Variants in AVIL observed in about 807,000 individuals in gnomAD.
AVIL encodes the protein advillin.
AVIL carries 78 observed loss-of-function variants against 109.9 expected under a neutral mutation model. That is an observed-to-expected ratio of 0.71 (90% confidence interval 0.59 to 0.86). The LOEUF (loss-of-function observed/expected upper bound fraction) is 0.86, where lower values mean the gene tolerates loss of function less well. AVIL is among the 40% of genes least tolerant of loss of function. The pLI, the probability that AVIL is intolerant of heterozygous loss-of-function variation, is 0.00. For synonymous variants in AVIL, 367 were observed against 379.1 expected (o/e 0.97, Z 0.37); for missense variants, 892 against 1,016.5 (o/e 0.88, Z 1.67).
rs1386772576 is a variant in AVIL at position 57,808,242 on chromosome 12, C to T, written c.1146G>A (p.Glu382=). ...FDVTLLHTKP[E]VAAQERMVDD... is the part of the protein sequence containing the mutation. ...CGACCATTCTTTCCTGGGCAGCTACCTCTGGCTTGGTGTGTAGCAGAGTCA... is the reference window on the plus strand; with the variant it reads ...CGACCATTCTTTCCTGGGCAGCTACTTCTGGCTTGGTGTGTAGCAGAGTCA... The change falls in exon 11 of 20, where the codon GAG becomes GAA. Residue 382 remains glutamate (E), a synonymous_variant. Transcript: ENST00000549994. 4 of 1,614,196 alleles carry T rather than the reference C, an allele frequency of 2.5e-6. No individual in the cohort carries two copies. Among genetic ancestry groups the T allele is most frequent in the Non-Finnish European group, 3.4e-6 (4 of 1,180,052 alleles).
chr12:57,801,688 C>T (rs183531742), intron 17 of AVIL, among the ~76,000 whole-genome samples: 187 of 151,844 alleles, frequency 1.2e-3, no homozygotes, highest in Non-Finnish European at 1.9e-3. Flanking sequence ...TGCAGTGAGC[C>T]GAGATTGTGC....
At position 57,813,572 on chromosome 12, in the gene AVIL, C is replaced by T. The variant is rs937327295; in HGVS notation, c.142-149G>A. On this transcript the variant is annotated intron_variant, in intron 3 of 19. Coordinates refer to ENST00000549994, the MANE Select transcript of AVIL (RefSeq NM_006576.4). ...CAGTGGATGTGGGAGCTGCCCTGGC[C>T]CCCGAGCAGACCTGCGATCATGGCA... 7.9e-6 allele frequency: 6 copies of T among 760,832 alleles called. No homozygotes were observed. The South Asian group carries it at 1.2e-4, about 15-fold the overall frequency. The allele number at this position is 760,832 out of a possible 1,614,324, so 47.1% of individuals were successfully genotyped here. A position where few individuals can be genotyped will look rare whatever the true frequency, so the allele number is the denominator to read the frequency against.
chr12:57,813,215 A>G lies in AVIL; in HGVS notation c.338+12T>C, dbSNP rs750111335. The G allele has an allele frequency of 6.3e-7, 1 of 1,599,802 alleles. No individual in the cohort carries two copies. Among genetic ancestry groups the G allele is most frequent in the East Asian group, 2.3e-5 (1 of 44,430 alleles). On this transcript the variant is annotated intron_variant, in intron 4 of 19. Coordinates refer to ENST00000549994, the MANE Select transcript of AVIL (RefSeq NM_006576.4). ...TGCTGTTTCTGTCCTTGCTCTGTGCACCCCTACTCACATGATGCCCTGCTT... is the reference window on the plus strand; with the variant it reads ...TGCTGTTTCTGTCCTTGCTCTGTGCGCCCCTACTCACATGATGCCCTGCTT...
At chr12:57,808,682 T>C in intron 9 of AVIL, 134 bp from the exon 10 acceptor site, 1 of 1,100,736 alleles carries the variant, frequency 9.1e-7, no homozygotes, top group Non-Finnish European at 1.3e-6. Flanking sequence ...AAATTCTAAC[T>C]CACTTTTGTC....
intron 14 of AVIL, chr12:57,804,392 T>G (rs1195992315): frequency 6.6e-6 from 1 of 152,242 alleles, no homozygotes; most frequent in Non-Finnish European, 1.5e-5. Flanking sequence ...TTGTTTCTGA[T>G]TATGAATAAA....
chr12:57,814,056 G>A (rs1254234357), intron 3 of AVIL, 96 bp downstream of exon 3: 1 of 1,314,728 alleles, frequency 7.6e-7, no homozygotes, highest in Admixed American at 2.1e-5. Context: ...CCGATACCAG[G>A]GACTGACTAC....
intron 2 of AVIL, 94 bp downstream of exon 2, chr12:57,815,881 G>C: frequency 6.3e-7 from 1 of 1,591,328 alleles, no homozygotes; most frequent in Non-Finnish European, 8.6e-7. Flanking sequence ...CATAGGCTAA[G>C]GGGTGCTGGC....
chr12:57,805,387 G>A (rs980464888), intron 14 of AVIL, among the ~76,000 whole-genome samples: 5 of 152,194 alleles, frequency 3.3e-5, no homozygotes, highest in Middle Eastern at 3.4e-3. Context: ...ATTGCAATAT[G>A]AATTGACATC....
rs143969105 is a variant in AVIL, at chr12:57,807,682, A to G, written c.1240T>C (p.Trp414Arg). 2.0e-4 allele frequency: 329 copies of G among 1,614,040 alleles called. No homozygotes were observed. Among genetic ancestry groups the G allele is most frequent in the Non-Finnish European group, 2.7e-4 (314 of 1,180,058 alleles). The change falls in exon 12 of 20, where the codon TGG becomes CGG. Residue 414 changes from tryptophan to arginine, a missense_variant. Trp to Arg is a moderately radical substitution (Grantham distance 101). Coordinates refer to ENST00000549994, the MANE Select transcript of AVIL (RefSeq NM_006576.4). ...TCTCCCCCATAAAAGAAGCCATACCATTGATACTCCACAGGGACCAGCTCC... is the reference window on the plus strand; with the variant it reads ...TCTCCCCCATAAAAGAAGCCATACCGTTGATACTCCACAGGGACCAGCTCC... Reference protein sequence around the residue: ...NLELVPVEYQWYGFFYGGDCY... With the variant: ...NLELVPVEYQRYGFFYGGDCY...
chr12:57,814,066 C>T (rs1565838743), intron 3 of AVIL, 86 bp downstream of exon 3: 1 of 1,425,724 alleles, frequency 7.0e-7, no homozygotes, highest in Non-Finnish European at 9.7e-7. Flanking sequence ...GGACTGACTA[C>T]CTTCCCTCAC....
In AVIL at chr12:57,818,439, A is replaced by G. The variant is rs145914961; in HGVS notation, c.-20+190T>C. 1.8e-4 allele frequency among the ~76,000 whole-genome samples: 28 copies of G among 152,044 alleles called. No homozygotes were observed. The East Asian group carries it at 2.1e-3, about 12-fold the overall frequency. On this transcript the variant is annotated intron_variant, in intron 1 of 19. Transcript: ENST00000549994. ...TTCCCAGCTTTTGAAAATGTGCCCT[A>G]TATGTTCAGCTGCCTCTAAGGGGTT...
Position 57,797,382 on chromosome 12 carries a change from C to T in AVIL, c.*500G>A, listed in dbSNP as rs946197001. The T allele has an allele frequency of 1.0e-6, 1 of 985,242 alleles. No homozygotes were observed. The highest frequency in any genetic ancestry group is 1.2e-6 in the Non-Finnish European group (1 of 829,912). 61.0% of individuals were successfully genotyped at this position (985,242 alleles called of 1,614,324 possible). On this transcript the variant is annotated 3_prime_UTR_variant, in exon 20 of 20. Coordinates refer to ENST00000549994, the MANE Select transcript of AVIL (RefSeq NM_006576.4). ...AATACTGAAAATAACTCCATTTGTTCATTATAGGTATCTTTATTTGAAAAG... is the reference window on the plus strand; with the variant it reads ...AATACTGAAAATAACTCCATTTGTTTATTATAGGTATCTTTATTTGAAAAG...
At chr12:57,814,082 C>T in intron 3 of AVIL, 70 bp downstream of exon 3, 4 of 1,530,546 alleles carry the variant, frequency 2.6e-6, no homozygotes, top group Non-Finnish European at 8.9e-7. Context: ...CTCACCAGCA[C>T]ATCTCCCAGT....
chr12:57,808,657 C>G, intron 9 of AVIL, 109 bp from the exon 10 acceptor site: 2 of 1,304,320 alleles, frequency 1.5e-6, no homozygotes, highest in Non-Finnish European at 2.1e-6. Context: ...CGTCTCCCCT[C>G]TGGGAGTCAG....
chr12:57,807,569 T>G, intron 12 of AVIL, 21 bp downstream of exon 12: 1 of 1,614,238 alleles, frequency 6.2e-7, no homozygotes, highest in Non-Finnish European at 8.5e-7. Flanking sequence ...GATCCAAAGC[T>G]GAAGCCTGTG....
Position 57,802,224 on chromosome 12 carries a change from T to C in AVIL, c.2087A>G (p.Lys696Arg). ...RDPDTPILII[K>R]QGFEPPIFTG... The stretch of plus-strand genomic sequence containing the variant: ...GAAGATGGGAGGCTCAAACCCCTGC[T>C]TAATGATCAGGATTGGTGTGTCGGG... The change falls in exon 17 of 20, where the codon AAG (lysine) becomes AGG (arginine). Residue 696 changes from lysine to arginine, a missense_variant. Transcript: ENST00000549994. 6.2e-7 allele frequency: 1 copy of C among 1,614,122 alleles called. No homozygotes were observed. Among genetic ancestry groups the C allele is most frequent in the Non-Finnish European group, 8.5e-7 (1 of 1,179,974 alleles).
rs371583363 is a variant in AVIL, at chr12:57,802,268, A to T, written c.2043T>A (p.Thr681=). Residue 681 remains threonine (T), a synonymous_variant, in exon 17 of 20, where the codon ACT becomes ACA. Transcript: ENST00000549994. ...TGTCGGGATCTCGGCCGCTGGGGTG[A>T]GTGTGCAGGTACTGCTGTGCTGTGG... ...ALATAQQYLH[T]HPSGRDPDTP... The T allele has an allele frequency of 6.2e-7, 1 of 1,613,854 alleles. No homozygotes were observed. Among genetic ancestry groups the T allele is most frequent in the Non-Finnish European group, 8.5e-7 (1 of 1,179,932 alleles).
chr12:57,814,061 G>T, intron 3 of AVIL, 91 bp downstream of exon 3: 1 of 1,376,536 alleles, frequency 7.3e-7, no homozygotes, highest in Non-Finnish European at 1.0e-6. Flanking sequence ...ACCAGGGACT[G>T]ACTACCTTCC....
At chr12:57,815,417 C>T (rs1279000440) in intron 2 of AVIL, among the ~76,000 whole-genome samples, 1 of 152,172 alleles carries the variant, frequency 6.6e-6, no homozygotes, top group Non-Finnish European at 1.5e-5. Flanking sequence ...TGACTGGGCT[C>T]AGGGCAGGGG....
Sources: gnomAD v4.1 joint callset for allele counts (sites outside exome capture counted in the v4.1 genomes callset) on GRCh38, gnomAD v4.1.1 for gene constraint, MANE v1.5 for transcripts, NCBI Gene and HGNC (gene_info 2026-07-23, HGNC 2026-07-21) for gene names.